Variants in PLCB1 observed in about 807,000 individuals in gnomAD.
The protein encoded by PLCB1 is phospholipase C beta 1, also known as 1-phosphatidylinositol 4,5-bisphosphate phosphodiesterase beta-1.
PLCB1 carries 46 observed loss-of-function variants against 161.8 expected under a neutral mutation model. The ratio of observed to expected loss-of-function variants is 0.28; its 90% CI spans 0.22 to 0.36. The LOEUF is 0.36. Among genes scored for constraint, PLCB1 ranks in the 10% least tolerant of loss-of-function variants. The pLI is 1.00. For synonymous variants in PLCB1, 517 were observed against 503.7 expected (o/e 1.03, Z -0.35); for missense variants, 1,016 against 1,472.5 (o/e 0.69, Z 5.07).
intron 31 of PLCB1, among the ~76,000 whole-genome samples, chr20:8,824,584 G>C (rs1205016262): frequency 6.6e-6 from 1 of 152,148 alleles, no homozygotes; most frequent in Non-Finnish European, 1.5e-5. Flanking sequence ...TAATGCTACT[G>C]AGATGATGAG....
At chr20:8,452,183 G>A (rs1368764170) in intron 3 of PLCB1, among the ~76,000 whole-genome samples, 7 of 152,118 alleles carry the variant, frequency 4.6e-5, no homozygotes, top group Admixed American at 4.6e-4. Flanking sequence ...CTGTTCCAAT[G>A]CCTCTGCTAA....
intron 2 of PLCB1, among the ~76,000 whole-genome samples, chr20:8,269,399 G>T (rs1170659535): frequency 6.6e-6 from 1 of 152,098 alleles, no homozygotes; most frequent in East Asian, 1.9e-4. Context: ...ATGCAAAATG[G>T]TAATAATAAT....
chr20:8,132,466 C>G lies in PLCB1; in HGVS notation c.-186C>G, dbSNP rs552151278. 6.0e-6 allele frequency: 2 copies of G among 335,860 alleles called. No homozygotes were observed. Among genetic ancestry groups the G allele is most frequent in the Non-Finnish European group, 1.1e-5 (2 of 186,010 alleles). The allele number at this position is 335,860 out of a possible 1,614,324, so 20.8% of individuals were successfully genotyped here. On this transcript the variant is annotated 5_prime_UTR_variant, in exon 1 of 32. Transcript: ENST00000338037. This position sits in a 1 kb window ranked among gnomAD's most constrained non-coding sequence, Gnocchi z 5.2. ...CATGGCCGGGCGCTGCGCCCCCGCG[C>G]GCTCTGCCTGCTGAGCGGCGCCGGA...
At chr20:8,413,825 T>C (rs1432535060) in intron 3 of PLCB1, among the ~76,000 whole-genome samples, 1 of 152,234 alleles carries the variant, frequency 6.6e-6, no homozygotes, top group Non-Finnish European at 1.5e-5. Context: ...TCTAGCACCA[T>C]CTCTGGTGTC....
At chr20:8,546,294 C>T (rs1047221100) in intron 3 of PLCB1, among the ~76,000 whole-genome samples, 4 of 105,124 alleles carry the variant, frequency 3.8e-5, no homozygotes, top group African/African-American at 1.6e-4. Context: ...GCCTGGATGA[C>T]AAGAACAAGA....
At chr20:8,759,090 T>A (rs989025836) in intron 24 of PLCB1, among the ~76,000 whole-genome samples, 2 of 152,200 alleles carry the variant, frequency 1.3e-5, no homozygotes, top group East Asian at 3.8e-4. Flanking sequence ...AGTCCCACAG[T>A]CTTTCCTGTC....
chr20:8,273,092 A>G (rs903704579), intron 2 of PLCB1, among the ~76,000 whole-genome samples: 1 of 152,214 alleles, frequency 6.6e-6, no homozygotes, highest in Non-Finnish European at 1.5e-5. Context: ...TTTAAGAGAC[A>G]GCAATAATGA....
chr20:8,334,603 G>A lies in PLCB1; in HGVS notation c.178-36779G>A, dbSNP rs112336139. On this transcript the variant is annotated intron_variant, in intron 2 of 31. Transcript: ENST00000338037. ...TGGTCAAGTAAATAACTGGTTTCCA[G>A]AGAAAAATAAAACACTCAAGTTAAT... Among the ~76,000 whole-genome samples, 241 of 152,252 alleles carry A rather than the reference G, an allele frequency of 1.6e-3. 1 individual carries two copies. The highest frequency in any genetic ancestry group is 5.6e-3 in the African/African-American group (231 of 41,548).
At chr20:8,140,810 T>A (rs2051395073) in intron 1 of PLCB1, among the ~76,000 whole-genome samples, 2 of 152,184 alleles carry the variant, frequency 1.3e-5, no homozygotes, top group Admixed American at 1.3e-4. Context: ...TTTTTATTTT[T>A]TTTTTTAGAC....
chr20:8,234,096 A>G (rs1171630118), intron 2 of PLCB1, among the ~76,000 whole-genome samples: 4 of 152,128 alleles, frequency 2.6e-5, no homozygotes, highest in African/African-American at 4.8e-5. Context: ...TCTTAGAGTG[A>G]AACTGCTGAG....
At chr20:8,370,335 G>A (rs1206646582) in intron 2 of PLCB1, among the ~76,000 whole-genome samples, 4 of 152,138 alleles carry the variant, frequency 2.6e-5, no homozygotes, top group Admixed American at 2.6e-4. Context: ...CATCTCTCAT[G>A]ACTTCTTGTC....
intron 25 of PLCB1, among the ~76,000 whole-genome samples, chr20:8,762,344 T>C (rs1409976595): frequency 6.6e-6 from 1 of 152,246 alleles, no homozygotes; most frequent in African/African-American, 2.4e-5. Flanking sequence ...TACCAATACA[T>C]TAGCTGTGAT....
intron 3 of PLCB1, among the ~76,000 whole-genome samples, chr20:8,383,214 T>C (rs933742736): frequency 9.8e-5 from 15 of 152,368 alleles, no homozygotes; most frequent in Middle Eastern, 6.8e-3. Context: ...TGAACCTGGA[T>C]GCTCCTGTAT....
At chr20:8,642,799 TG>T (rs1988998341) in intron 4 of PLCB1, among the ~76,000 whole-genome samples, 1 of 152,242 alleles carries the variant, frequency 6.6e-6, no homozygotes, top group African/African-American at 2.4e-5. Flanking sequence ...TACCTTTTTC[TG>T]GCGTGAAACT....
In PLCB1 at chr20:8,220,234, G is replaced by A. The variant is rs914127051; in HGVS notation, c.177+69863G>A. On this transcript the variant is annotated intron_variant, in intron 2 of 31. Coordinates refer to ENST00000338037, the MANE Select transcript of PLCB1 (RefSeq NM_015192.4). ...GTATAACATTTTTAAGATCAAAAGA[G>A]AGAAGACAGATAAAAACATTTGAAA... 4.6e-5 allele frequency among the ~76,000 whole-genome samples: 7 copies of A among 152,226 alleles called. No homozygotes were observed. In the East Asian group the frequency reaches 1.4e-3, roughly 29 times the overall value.
At chr20:8,819,156 A>G (rs1985216058) in intron 31 of PLCB1, among the ~76,000 whole-genome samples, 1 of 152,182 alleles carries the variant, frequency 6.6e-6, no homozygotes, top group South Asian at 2.1e-4. Flanking sequence ...TTAAGATATT[A>G]GTGGGATACT....
chr20:8,795,949 A>G (rs1046279238), intron 31 of PLCB1, among the ~76,000 whole-genome samples: 5 of 151,974 alleles, frequency 3.3e-5, no homozygotes, highest in Non-Finnish European at 7.4e-5. Context: ...GAATATGCCA[A>G]TGTTTATTGA....
intron 3 of PLCB1, among the ~76,000 whole-genome samples, chr20:8,382,345 T>C (rs988955142): frequency 6.7e-6 from 1 of 149,478 alleles, no homozygotes; most frequent in African/African-American, 2.5e-5. Flanking sequence ...TGCAGTGGTG[T>C]GATCTCGGCT....
intron 3 of PLCB1, among the ~76,000 whole-genome samples, chr20:8,526,190 A>G (rs1984578976): frequency 6.6e-6 from 1 of 152,090 alleles, no homozygotes; most frequent in South Asian, 2.1e-4. Context: ...TAATTTTTTA[A>G]GTTGTAAAAA....
Sources: allele counts gnomAD v4.1 joint callset (sites outside exome capture counted in the v4.1 genomes callset), GRCh38; gene constraint gnomAD v4.1.1; non-coding constraint Gnocchi (gnomAD v3.1); transcripts MANE v1.5; gene names NCBI Gene and HGNC (gene_info 2026-07-23, HGNC 2026-07-21).